Variants in SOX30 observed in about 807,000 individuals in gnomAD.
SOX30 encodes SRY-box transcription factor 30.
In SOX30, 17 loss-of-function variants were observed where a neutral mutation model predicts 58.6. The observed-to-expected ratio is 0.29, with a 90% CI of 0.20 to 0.44. The LOEUF is 0.44. SOX30 is among the 20% of genes least tolerant of loss of function. SOX30 has a pLI of 1.00. For synonymous variants in SOX30, 421 were observed against 400.2 expected (o/e 1.05, Z -0.62); for missense variants, 951 against 965.8 (o/e 0.98, Z 0.20).
Position 157,658,611 on chromosome 5 carries a change from A to T in SOX30, c.52+9187T>A, listed in dbSNP as rs556377799. 2.0e-5 allele frequency among the ~76,000 whole-genome samples: 3 copies of T among 152,336 alleles called. No homozygotes were observed. The East Asian group carries it at 5.8e-4, about 29-fold the overall frequency. ...CTGACTGAGCTCCTCTCTACCCTGA[A>T]TACAAGAGACTCTCATAGTTAAGCA... On this transcript the variant is annotated intron_variant, in intron 2 of 5. Transcript: ENST00000519442.
At chr5:157,630,407 T>A (rs897555122) in intron 4 of SOX30, among the ~76,000 whole-genome samples, 10 of 152,222 alleles carry the variant, frequency 6.6e-5, no homozygotes, top group Non-Finnish European at 1.5e-4. Context: ...AATATTATAA[T>A]GTGATGCCAC....
At chr5:157,636,513 T>C (rs887439695) in intron 4 of SOX30, among the ~76,000 whole-genome samples, 1 of 152,162 alleles carries the variant, frequency 6.6e-6, no homozygotes, top group Non-Finnish European at 1.5e-5. Context: ...CTAAAATACT[T>C]ATTAAGGCTG....
chr5:157,644,565 T>C lies in SOX30; in HGVS notation c.1387+2072A>G, dbSNP rs188929420. 1.2e-4 allele frequency among the ~76,000 whole-genome samples: 19 copies of C among 152,342 alleles called. No individual in the cohort carries two copies. In the East Asian group the frequency reaches 3.5e-3, roughly 28 times the overall value. The stretch of plus-strand genomic sequence containing the variant: ...ATGTCAACTGTTTCAAATAAGAACG[T>C]TGTTAATTCTGTTTCTGGGAAGAGA... On this transcript the variant is annotated intron_variant, in intron 3 of 4. Coordinates refer to ENST00000265007, the MANE Select transcript of SOX30 (RefSeq NM_178424.2).
rs556268640 is a variant in SOX30 at position 157,638,789 on chromosome 5, A to G, written c.1388-67T>C. ...CATTCCATGTTTTTCTTCTTTCAGT[A>G]AAGTTTAATAAATTGTATAAGCAGA... is the stretch of plus-strand genomic sequence containing the variant. On this transcript the variant is annotated intron_variant, in intron 3 of 4. Coordinates refer to ENST00000265007, the MANE Select transcript of SOX30 (RefSeq NM_178424.2). 14 of 1,487,688 alleles carry G rather than the reference A, an allele frequency of 9.4e-6. No homozygotes were observed. In the Admixed American group the frequency reaches 2.2e-4, roughly 23 times the overall value. 92.2% of individuals were successfully genotyped at this position (1,487,688 alleles called of 1,614,324 possible). A position where few individuals can be genotyped will look rare whatever the true frequency, so the allele number is the denominator to read the frequency against.
At chr5:157,626,779 C>A (rs1758668213) in intron 4 of SOX30, 58 bp from the exon 5 acceptor site, 3 of 1,514,492 alleles carry the variant, frequency 2.0e-6, no homozygotes, top group Non-Finnish European at 1.8e-6. Context: ...GCCTTGCATA[C>A]AGACTAACAG....
chr5:157,651,048 G>A (rs1561586001), intron 1 of SOX30, 64 bp downstream of exon 1: 1 of 1,272,046 alleles, frequency 7.9e-7, no homozygotes, highest in African/African-American at 1.5e-5. Flanking sequence ...GGGAACTGCT[G>A]ACAAAACAGC....
At chr5:157,644,929 C>T (rs889197921) in intron 3 of SOX30, among the ~76,000 whole-genome samples, 4 of 152,006 alleles carry the variant, frequency 2.6e-5, no homozygotes, top group East Asian at 1.9e-4. Flanking sequence ...TGCAGTGAGC[C>T]GAGATCGCGC....
chr5:157,627,380 CA>C (rs995317349), intron 4 of SOX30, among the ~76,000 whole-genome samples: 34 of 151,736 alleles, frequency 2.2e-4, no homozygotes, highest in African/African-American at 7.3e-4. Context: ...CAAAAACAAA[CA>C]AAAAAACCCA....
intron 2 of SOX30, among the ~76,000 whole-genome samples, chr5:157,647,512 A>T (rs1759222138): frequency 6.6e-6 from 1 of 152,118 alleles, no homozygotes; most frequent in Non-Finnish European, 1.5e-5. Context: ...ACTTTCTGTA[A>T]GTTACAATCA....
chr5:157,658,289 C>T (rs1055447178), intron 2 of SOX30, among the ~76,000 whole-genome samples: 1 of 152,168 alleles, frequency 6.6e-6, no homozygotes, highest in African/African-American at 2.4e-5. Context: ...CGTGATTTGT[C>T]TTTAGTAAAA....
At chr5:157,643,813 A>G (rs1759126741) in intron 3 of SOX30, among the ~76,000 whole-genome samples, 1 of 152,184 alleles carries the variant, frequency 6.6e-6, no homozygotes, top group African/African-American at 2.4e-5. Flanking sequence ...ACAAAAAAGT[A>G]TATACATTAA....
At chr5:157,640,355 T>C (rs756005987) in intron 3 of SOX30, among the ~76,000 whole-genome samples, 2 of 152,144 alleles carry the variant, frequency 1.3e-5, no homozygotes, top group Non-Finnish European at 2.9e-5. Flanking sequence ...AATACTCATA[T>C]AAAAGGAGGA....
intron 1 of SOX30, among the ~76,000 whole-genome samples, chr5:157,668,521 C>A (rs753674458): frequency 6.6e-6 from 1 of 152,036 alleles, no homozygotes; most frequent in Non-Finnish European, 1.5e-5. Context: ...TCCATCCATC[C>A]ATCCACTCAT....
chr5:157,644,929 C>A (rs889197921), intron 3 of SOX30, among the ~76,000 whole-genome samples: 39 of 152,124 alleles, frequency 2.6e-4, no homozygotes, highest in African/African-American at 8.9e-4. Flanking sequence ...TGCAGTGAGC[C>A]GAGATCGCGC....
intron 2 of SOX30, among the ~76,000 whole-genome samples, chr5:157,662,270 A>G (rs1759592032): frequency 6.6e-6 from 1 of 152,004 alleles, no homozygotes; most frequent in Admixed American, 6.6e-5. Context: ...AAAAGTTAAC[A>G]ATTTTGTAGA....
upstream of SOX30, among the ~76,000 whole-genome samples, chr5:157,654,613 C>G (rs1199144060): frequency 2.0e-5 from 3 of 152,104 alleles, no homozygotes; most frequent in East Asian, 5.8e-4. Context: ...CATACTGGGT[C>G]GCATTCCCAG....
chr5:157,626,725 C>T lies in SOX30; in HGVS notation c.1881-4G>A, dbSNP rs752874792. On this transcript the variant is annotated splice_polypyrimidine_tract_variant and splice_region_variant and intron_variant, in intron 4 of 4. Transcript: ENST00000265007. ...AGGCCGACTGTAAGGGCATGTACTG[C>T]AGCAGAAAAACACAAACAAGGAATT... 2 of 1,584,146 alleles carry T rather than the reference C, an allele frequency of 1.3e-6. No individual in the cohort carries two copies. Among genetic ancestry groups the T allele is most frequent in the Non-Finnish European group, 1.7e-6 (2 of 1,168,228 alleles).
chr5:157,663,635 T>G lies in SOX30; in HGVS notation c.52+4163A>C, dbSNP rs544752618. Among the ~76,000 whole-genome samples the G allele has an allele frequency of 2.4e-3, 363 of 152,302 alleles. 3 individuals carry two copies. The highest frequency in any genetic ancestry group is 8.4e-3 in the African/African-American group (351 of 41,548). On this transcript the variant is annotated intron_variant, in intron 2 of 5. Transcript: ENST00000519442. ...AGGCAGAAGAAAGAAATAAAGGGTATTCAATTAGGAAAAGAGGAAGTCAAA... is the reference window on the plus strand; with the variant it reads ...AGGCAGAAGAAAGAAATAAAGGGTAGTCAATTAGGAAAAGAGGAAGTCAAA...
chr5:157,668,501 C>G lies in SOX30; in HGVS notation c.-3-649G>C, dbSNP rs796114795. On this transcript the variant is annotated intron_variant, in intron 1 of 5. Transcript: ENST00000519442. ...TCATCCATCCATCCATTCATCCATT[C>G]ACTCACCAATCCATCCATCCATCCA... 2.0e-5 allele frequency among the ~76,000 whole-genome samples: 3 copies of G among 152,246 alleles called. 1 individual carries two copies. The highest frequency in any genetic ancestry group is 7.2e-5 in the African/African-American group (3 of 41,536).
Sources: allele counts gnomAD v4.1 joint callset (sites outside exome capture counted in the v4.1 genomes callset), GRCh38; gene constraint gnomAD v4.1.1; transcripts MANE v1.5; gene names NCBI Gene and HGNC (gene_info 2026-07-23, HGNC 2026-07-21).